The following NRXN3 variants were observed in gnomAD, a reference collection of about 807,000 sequenced individuals.
NRXN3 encodes the protein neurexin 3.
Under a neutral mutation model 137.6 loss-of-function variants are expected in NRXN3, and 32 were observed. That is an observed-to-expected ratio of 0.23 (90% confidence interval 0.18 to 0.31). The LOEUF (loss-of-function observed/expected upper bound fraction) is 0.31, where lower values mean the gene tolerates loss of function less well. Among genes scored for constraint, NRXN3 ranks in the 10% least tolerant of loss-of-function variants. The pLI is 1.00. For synonymous variants in NRXN3, 798 were observed against 784.5 expected, an observed-to-expected ratio of 1.02 and a Z score of -0.29; for missense variants, 1,574 against 2,062.5, an observed-to-expected ratio of 0.76 and a Z score of 4.59.
Position 79,642,110 on chromosome 14 carries a change from G to T in NRXN3, c.3445-21668G>T, listed in dbSNP as rs2098436352. Among the ~76,000 whole-genome samples, 2 of 135,496 alleles carry T rather than the reference G, an allele frequency of 1.5e-5. 1 individual carries two copies. Among genetic ancestry groups the T allele is most frequent in the Admixed American group, 1.6e-4 (2 of 12,808 alleles). 88.9% of individuals were successfully genotyped at this position (135,496 alleles called of 152,430 possible). A position where few individuals can be genotyped will look rare whatever the true frequency, so the allele number is the denominator to read the frequency against. On this transcript the variant is annotated intron_variant, in intron 16 of 20. Transcript: ENST00000335750. ...TGTGGACAAATTAAAGCCTATTGATGACTTTATTAAAGCAGGGTATTTACC... is the reference window on the plus strand; with the variant it reads ...TGTGGACAAATTAAAGCCTATTGATTACTTTATTAAAGCAGGGTATTTACC...
At chr14:79,373,150 G>C (rs1240192209) in intron 15 of NRXN3, among the ~76,000 whole-genome samples, 1 of 152,038 alleles carries the variant, frequency 6.6e-6, no homozygotes, top group African/African-American at 2.4e-5. Context: ...CTCATACAGA[G>C]AAATACCTAC....
chr14:79,072,135 T>TG (rs150866841), intron 15 of NRXN3: 2 of 152,086 alleles, frequency 1.3e-5, no homozygotes, highest in Non-Finnish European at 2.9e-5. Context: ...CTTGAATGAG[T>TG]GGGGGTTTCT....
intron 10 of NRXN3, among the ~76,000 whole-genome samples, chr14:78,909,075 G>A (rs117888433): frequency 6.6e-6 from 1 of 152,230 alleles, no homozygotes; most frequent in Non-Finnish European, 1.5e-5. Flanking sequence ...AATTTAAGTT[G>A]AGCACACTTT....
At chr14:78,961,251 T>C (rs2152980314) in intron 11 of NRXN3, among the ~76,000 whole-genome samples, 1 of 152,262 alleles carries the variant, frequency 6.6e-6, no homozygotes. Context: ...TCTCAGCGTT[T>C]CCCATTATTA....
intron 8 of NRXN3, among the ~76,000 whole-genome samples, chr14:78,715,854 C>A (rs191666472): frequency 4.6e-5 from 7 of 151,630 alleles, no homozygotes; most frequent in Non-Finnish European, 1.0e-4. Flanking sequence ...TTATTATAGT[C>A]ATAATTATTC....
chr14:79,298,227 A>G (rs1026081187), intron 15 of NRXN3, among the ~76,000 whole-genome samples: 7 of 152,146 alleles, frequency 4.6e-5, no homozygotes, highest in Non-Finnish European at 8.8e-5. Flanking sequence ...TAACTGGCTT[A>G]TAATGACATG....
At chr14:78,184,019 T>C (rs986115892) in intron 1 of NRXN3, among the ~76,000 whole-genome samples, 7 of 152,230 alleles carry the variant, frequency 4.6e-5, no homozygotes, top group African/African-American at 1.7e-4. Flanking sequence ...AATTAACTCC[T>C]TACAAATGTG....
chr14:78,887,174 C>T (rs1356621643), intron 10 of NRXN3, among the ~76,000 whole-genome samples: 2 of 152,086 alleles, frequency 1.3e-5, no homozygotes, highest in East Asian at 1.9e-4. Flanking sequence ...TTTTACTCAT[C>T]ACATCAGCCC....
At chr14:79,124,050 A>G (rs562876570) in intron 15 of NRXN3, among the ~76,000 whole-genome samples, 2 of 152,178 alleles carry the variant, frequency 1.3e-5, no homozygotes, top group East Asian at 3.9e-4. Flanking sequence ...TGAAAAATGT[A>G]GCACCTGACG....
At chr14:78,409,146 A>G (rs2092679593) in intron 4 of NRXN3, among the ~76,000 whole-genome samples, 1 of 152,266 alleles carries the variant, frequency 6.6e-6, no homozygotes, top group South Asian at 2.1e-4. Context: ...AGCAAGTCAT[A>G]TCATTTCCTA....
At chr14:78,954,090 C>A (rs2099392055) in intron 10 of NRXN3, among the ~76,000 whole-genome samples, 1 of 152,284 alleles carries the variant, frequency 6.6e-6, no homozygotes, top group South Asian at 2.1e-4. Flanking sequence ...ATATTTCAAC[C>A]TTCAGCTTGT....
chr14:79,798,680 G>A (rs895968263), intron 19 of NRXN3, among the ~76,000 whole-genome samples: 2 of 152,162 alleles, frequency 1.3e-5, no homozygotes, highest in African/African-American at 4.8e-5. Flanking sequence ...CCCTCAAAAT[G>A]ATTAGCCTAT....
chr14:78,623,757 G>A (rs906628018), intron 4 of NRXN3, among the ~76,000 whole-genome samples: 1 of 152,034 alleles, frequency 6.6e-6, no homozygotes, highest in African/African-American at 2.4e-5. Flanking sequence ...TAGTAGAGAC[G>A]GGGTTTCACC....
In NRXN3 at chr14:78,563,369, A is replaced by G. The variant is rs75958757; in HGVS notation, c.758-81751A>G. Among the ~76,000 whole-genome samples the G allele has an allele frequency of 9.7e-3, 1,479 of 152,306 alleles. 24 individuals are homozygous for G. The highest frequency in any genetic ancestry group is 0.034 in the African/African-American group (1,415 of 41,560). ...AGCTACCTTGATGGATAGAGAAATG[A>G]TAACGGAAATAGGTTTGATGAAAAA... On this transcript the variant is annotated intron_variant, in intron 4 of 20. Transcript: ENST00000335750.
chr14:79,281,048 T>G (rs1218208073), intron 15 of NRXN3, among the ~76,000 whole-genome samples: 1 of 152,106 alleles, frequency 6.6e-6, no homozygotes, highest in Non-Finnish European at 1.5e-5. Flanking sequence ...CAGGGAAAAG[T>G]AGCCGAACAT....
intron 4 of NRXN3, among the ~76,000 whole-genome samples, chr14:78,584,518 C>T (rs773426504): frequency 2.6e-5 from 4 of 152,214 alleles, no homozygotes; most frequent in Non-Finnish European, 5.9e-5. Context: ...TCATCAAACA[C>T]ACACCATCCC....
At position 79,337,119 on chromosome 14, in the gene NRXN3, C is replaced by T. The variant is rs181594224; in HGVS notation, c.3263-130102C>T. 3.4e-3 allele frequency among the ~76,000 whole-genome samples: 510 copies of T among 152,190 alleles called. 6 individuals are homozygous for T. The highest frequency in any genetic ancestry group is 4.0e-3 in the Non-Finnish European group (269 of 67,996). ...TTTAAATTTCCTGGACTTAACTGTT[C>T]CCTATAGTTAGCAGAAACATTATTT... On this transcript the variant is annotated intron_variant, in intron 15 of 20. Coordinates refer to ENST00000335750, the MANE Select transcript of NRXN3 (RefSeq NM_001330195.2).
intron 6 of NRXN3, among the ~76,000 whole-genome samples, chr14:78,657,316 A>C (rs904050252): frequency 6.6e-6 from 1 of 152,132 alleles, no homozygotes; most frequent in African/African-American, 2.4e-5. Context: ...CAGGCTACTC[A>C]AGCCCATCAC....
At chr14:79,234,336 A>T (rs1597602056) in intron 15 of NRXN3, among the ~76,000 whole-genome samples, 3 of 105,778 alleles carry the variant, frequency 2.8e-5, no homozygotes, top group Non-Finnish European at 5.8e-5. Flanking sequence ...ATATATATAT[A>T]TATAATATTT....
Sources: gnomAD v4.1 joint callset for allele counts (sites outside exome capture counted in the v4.1 genomes callset) on GRCh38, gnomAD v4.1.1 for gene constraint, MANE v1.5 for transcripts, NCBI Gene and HGNC (gene_info 2026-07-23, HGNC 2026-07-21) for gene names.